The following DTNB variants were observed in gnomAD, a reference collection of about 807,000 sequenced individuals.
The protein encoded by DTNB is DTN-B.
A neutral mutation model predicts 90.7 loss-of-function variants in DTNB; 63 were observed. The ratio of observed to expected loss-of-function variants is 0.69; its 90% CI spans 0.57 to 0.86. DTNB has a LOEUF of 0.86. Ranked by LOEUF, DTNB falls within the 40% of genes least tolerant of loss-of-function variation. The pLI, the probability that DTNB is intolerant of heterozygous loss-of-function variation, is 0.00. For missense variants in DTNB, 744 were observed against 807.1 expected (o/e 0.92, Z 0.95); for synonymous variants, 277 against 286.7 (o/e 0.97, Z 0.34).
At chr2:25,595,879 AC>A (rs1213636591) in intron 6 of DTNB, among the ~76,000 whole-genome samples, 1 of 122,726 alleles carries the variant, frequency 8.1e-6, no homozygotes, top group African/African-American at 3.1e-5. Flanking sequence ...CAAAGACACC[AC>A]CCCCCCACCC....
intron 10 of DTNB, among the ~76,000 whole-genome samples, chr2:25,474,293 T>TA (rs75986575): frequency 0.24 from 34,277 of 141,584 alleles, 4,945 homozygotes; most frequent in Non-Finnish European, 0.34. Flanking sequence ...TTTTCTGTCT[T>TA]AAAAAAAAAA....
chr2:25,455,635 C>A, intron 10 of DTNB, 141 bp from the exon 11 acceptor site: 3 of 681,558 alleles, frequency 4.4e-6, no homozygotes, highest in East Asian at 2.9e-5. Flanking sequence ...AAAAAACCCA[C>A]AATGCATAAT....
At chr2:25,629,611 C>T (rs1177835400) in intron 3 of DTNB, among the ~76,000 whole-genome samples, 1 of 152,054 alleles carries the variant, frequency 6.6e-6, no homozygotes, top group Non-Finnish European at 1.5e-5. Context: ...GGTGATGTAA[C>T]TTTATTCGTA....
Position 25,493,509 on chromosome 2 carries a change from G to C in DTNB, c.1002-10636C>G, listed in dbSNP as rs745354108. ...TCAGTCTCCCATCTCTCTCCATCAA[G>C]TTGTTGTTCTTTTGCTTCTTCTAAG... is the stretch of plus-strand genomic sequence containing the variant. On this transcript the variant is annotated intron_variant, in intron 9 of 20. Transcript: ENST00000406818. 7.2e-5 allele frequency among the ~76,000 whole-genome samples: 11 copies of C among 152,086 alleles called. No individual in the cohort carries two copies. In the South Asian group the frequency reaches 8.3e-4, roughly 11 times the overall value.
chr2:25,586,076 A>T (rs887283038), intron 6 of DTNB, among the ~76,000 whole-genome samples: 1 of 152,236 alleles, frequency 6.6e-6, no homozygotes, highest in African/African-American at 2.4e-5. Flanking sequence ...CTCTCATTGC[A>T]AAGATTATTT....
intron 8 of DTNB, among the ~76,000 whole-genome samples, chr2:25,556,276 G>T (rs2057349144): frequency 6.9e-6 from 1 of 144,638 alleles, no homozygotes; most frequent in Non-Finnish European, 1.5e-5. Context: ...TTTTTTCTGG[G>T]AGAATTCCTA....
At chr2:25,414,848 T>C (rs1291204369) in intron 16 of DTNB, among the ~76,000 whole-genome samples, 1 of 152,114 alleles carries the variant, frequency 6.6e-6, no homozygotes, top group Non-Finnish European at 1.5e-5. Context: ...ATGATGATTA[T>C]AGGCCTAAGT....
chr2:25,661,733 C>G (rs1331217968), intron 1 of DTNB, among the ~76,000 whole-genome samples: 1 of 152,096 alleles, frequency 6.6e-6, no homozygotes, highest in Non-Finnish European at 1.5e-5. Flanking sequence ...ACCCATCACA[C>G]ACATCAAATG....
chr2:25,590,973 C>T (rs906481439), intron 6 of DTNB, among the ~76,000 whole-genome samples: 2 of 152,252 alleles, frequency 1.3e-5, no homozygotes, highest in Non-Finnish European at 2.9e-5. Flanking sequence ...TGGCCTTCCT[C>T]CCATGCTCAT....
chr2:25,419,109 T>C (rs920521398), intron 16 of DTNB: 30 of 206,014 alleles, frequency 1.5e-4, no homozygotes, highest in African/African-American at 6.4e-4. Context: ...ACATCTATAG[T>C]TAGCAAAAGA....
chr2:25,458,285 T>A (rs1387580675), intron 10 of DTNB, among the ~76,000 whole-genome samples: 1 of 152,218 alleles, frequency 6.6e-6, no homozygotes, highest in Non-Finnish European at 1.5e-5. Context: ...TATTTTATTT[T>A]CACATTGAAA....
chr2:25,380,208 G>T (rs537263562), intron 19 of DTNB, among the ~76,000 whole-genome samples: 2 of 152,110 alleles, frequency 1.3e-5, no homozygotes, highest in African/African-American at 4.8e-5. Context: ...TTTATATTAC[G>T]TCAGTATGGT....
intron 9 of DTNB, among the ~76,000 whole-genome samples, 181 bp downstream of exon 9, chr2:25,531,292 A>G (rs2078125123): frequency 6.6e-6 from 1 of 152,240 alleles, no homozygotes; most frequent in African/African-American, 2.4e-5. Flanking sequence ...CTAGATTTCC[A>G]TGTGGACACT....
intron 8 of DTNB, among the ~76,000 whole-genome samples, chr2:25,566,206 A>C (rs2059005219): frequency 6.6e-6 from 1 of 152,204 alleles, no homozygotes; most frequent in African/African-American, 2.4e-5. Context: ...ACATGAAAAG[A>C]AACTGTAGGC....
chr2:25,531,125 G>T (rs1364846965), intron 9 of DTNB, among the ~76,000 whole-genome samples: 1 of 152,074 alleles, frequency 6.6e-6, no homozygotes, highest in East Asian at 1.9e-4. Flanking sequence ...GTCCCTATGG[G>T]CATTACTGCT....
chr2:25,632,718 T>TA (rs5829982), intron 3 of DTNB, among the ~76,000 whole-genome samples: 24,682 of 152,152 alleles, frequency 0.16, 2,633 homozygotes, highest in East Asian at 0.59. Context: ...CCCTCAATCT[T>TA]AGACTTCCCA....
intron 8 of DTNB, among the ~76,000 whole-genome samples, chr2:25,559,423 G>A (rs1404099747): frequency 1.3e-5 from 2 of 152,154 alleles, no homozygotes; most frequent in African/African-American, 2.4e-5. Context: ...TCCAGGTGGA[G>A]GAGAAGTCCT....
At chr2:25,625,270 C>T (rs1409293533) in intron 4 of DTNB, among the ~76,000 whole-genome samples, 2 of 152,118 alleles carry the variant, frequency 1.3e-5, no homozygotes, top group African/African-American at 4.8e-5. Context: ...AATAAAGCGG[C>T]CAATCAATAA....
chr2:25,514,563 G>A (rs2074643914), intron 9 of DTNB, among the ~76,000 whole-genome samples: 1 of 136,278 alleles, frequency 7.3e-6, no homozygotes, highest in Non-Finnish European at 1.5e-5. Context: ...AGTGCTAAAC[G>A]AATTTACTAG....
Sources: allele counts gnomAD v4.1 joint callset (sites outside exome capture counted in the v4.1 genomes callset), GRCh38; gene constraint gnomAD v4.1.1; transcripts MANE v1.5; gene names NCBI Gene and HGNC (gene_info 2026-07-23, HGNC 2026-07-21).